The following JCAD variants were observed in gnomAD, a reference collection of about 807,000 sequenced individuals.
The protein encoded by JCAD is junctional cadherin 5-associated protein.
A neutral mutation model predicts 98.0 loss-of-function variants in JCAD; 40 were observed. The ratio of observed to expected loss-of-function variants is 0.41; its 90% confidence interval spans 0.32 to 0.53. The LOEUF (loss-of-function observed/expected upper bound fraction) is 0.53, where lower values mean the gene tolerates loss of function less well. JCAD is among the 20% of genes least tolerant of loss of function. JCAD has a pLI of 0.31. For missense variants in JCAD, 1,705 were observed against 1,738.1 expected (o/e 0.98, Z 0.34); for synonymous variants, 691 against 682.3 (o/e 1.01, Z -0.20).
intron 1 of JCAD, among the ~76,000 whole-genome samples, chr10:30,096,970 C>A (rs536273343): frequency 7.6e-4 from 116 of 152,298 alleles, no homozygotes; most frequent in Non-Finnish European, 6.9e-4. Flanking sequence ...TTTTTGTAAG[C>A]TTAGCAGAAT....
chr10:30,088,444 A>G (rs545085633), intron 1 of JCAD, among the ~76,000 whole-genome samples: 21 of 152,270 alleles, frequency 1.4e-4, no homozygotes, highest in Middle Eastern at 6.8e-3. Flanking sequence ...TTGTTTACTT[A>G]GAGCAAGCAG....
At chr10:30,044,750 C>T (rs1589691259) in intron 2 of JCAD, 1 of 946,196 alleles carries the variant, frequency 1.1e-6, no homozygotes, top group Non-Finnish European at 1.2e-6. Context: ...CACTTTGTTT[C>T]TGATGGGGAA....
intron 2 of JCAD, among the ~76,000 whole-genome samples, chr10:30,032,809 A>G (rs1042383478): frequency 1.3e-5 from 2 of 152,200 alleles, no homozygotes; most frequent in Non-Finnish European, 2.9e-5. Flanking sequence ...TAGCACAAAC[A>G]GCAGCAGCTG....
chr10:30,068,008 T>C (rs1002152747), intron 2 of JCAD, among the ~76,000 whole-genome samples: 7 of 152,220 alleles, frequency 4.6e-5, no homozygotes, highest in African/African-American at 1.7e-4. Context: ...TACAGTATTA[T>C]AATCTTATGA....
chr10:30,047,780 A>C lies in JCAD; in HGVS notation c.33T>G (p.His11Gln). ...GGGGGTCTCTTGACAGCTTGTATCC[A>C]TGAGAGATCAGGAGGTCTTCTACAC... MYSVEDLLISHGYKLSRDPPA... is the reference protein window; with the variant it reads MYSVEDLLISQGYKLSRDPPA... Residue 11 changes from histidine to glutamine, a missense_variant, in exon 2 of 4, where the codon CAT becomes CAG. His to Gln is a conservative substitution (Grantham distance 24). Coordinates refer to ENST00000375377, the MANE Select transcript of JCAD (RefSeq NM_020848.4). 1 of 1,613,926 alleles carries C rather than the reference A, an allele frequency of 6.2e-7. No homozygotes were observed. The highest frequency in any genetic ancestry group is 1.3e-5 in the African/African-American group (1 of 75,038).
chr10:30,092,125 T>TATA (rs1427852641), intron 1 of JCAD, among the ~76,000 whole-genome samples: 4 of 104,924 alleles, frequency 3.8e-5, no homozygotes, highest in East Asian at 5.8e-4. Context: ...TATATATATA[T>TATA]AAAAAACATT....
chr10:30,025,456 T>C (rs988598995), intron 3 of JCAD, among the ~76,000 whole-genome samples: 5 of 147,962 alleles, frequency 3.4e-5, no homozygotes, highest in South Asian at 2.2e-4. Context: ...AGGCGGAGGT[T>C]GCAGTGAGCC....
intron 3 of JCAD, among the ~76,000 whole-genome samples, chr10:30,025,732 T>C (rs1836776266): frequency 6.6e-6 from 1 of 151,374 alleles, no homozygotes; most frequent in Non-Finnish European, 1.5e-5. Context: ...TATAAAAAAA[T>C]TAAAAAATTA....
At chr10:30,086,995 G>A (rs1393270789) in intron 1 of JCAD, among the ~76,000 whole-genome samples, 2 of 152,182 alleles carry the variant, frequency 1.3e-5, no homozygotes, top group Non-Finnish European at 2.9e-5. Flanking sequence ...CAGAGACTTG[G>A]GGTGAGGGGA....
intron 2 of JCAD, among the ~76,000 whole-genome samples, chr10:30,045,002 A>T (rs1456041891): frequency 2.0e-5 from 3 of 152,112 alleles, no homozygotes; most frequent in African/African-American, 7.2e-5. Flanking sequence ...CAATCTCAAC[A>T]ACATGGACAA....
intron 1 of JCAD, among the ~76,000 whole-genome samples, chr10:30,089,262 TTC>T (rs1838218463): frequency 6.6e-6 from 1 of 152,184 alleles, no homozygotes; most frequent in Non-Finnish European, 1.5e-5. Context: ...GAGGGTGGGC[TTC>T]TGGCTCCAGT....
chr10:30,030,770 C>T (rs780377140), intron 2 of JCAD, among the ~76,000 whole-genome samples: 1 of 151,968 alleles, frequency 6.6e-6, no homozygotes, highest in African/African-American at 2.4e-5. Context: ...CAGGGCCTTA[C>T]TTTGAGAATC....
In JCAD at chr10:30,016,954, A is replaced by C. The variant is rs1836547705; in HGVS notation, c.*929T>G. 1 of 152,240 alleles carries C rather than the reference A, an allele frequency of 6.6e-6. No individual in the cohort carries two copies. The highest frequency in any genetic ancestry group is 1.5e-5 in the Non-Finnish European group (1 of 68,040). 9.4% of individuals were successfully genotyped at this position (152,240 alleles called of 1,614,324 possible). On this transcript the variant is annotated 3_prime_UTR_variant, in exon 4 of 4. Coordinates refer to ENST00000375377, the MANE Select transcript of JCAD (RefSeq NM_020848.4). The stretch of plus-strand genomic sequence containing the variant: ...GGTAAGGGACAGAGCTTTAAAGCAA[A>C]AGTGAACCCTCTTTGGGTTCCTCTC...
chr10:30,030,248 A>T (rs1459405707), intron 2 of JCAD, among the ~76,000 whole-genome samples: 1 of 152,216 alleles, frequency 6.6e-6, no homozygotes, highest in Non-Finnish European at 1.5e-5. Context: ...GTTTGAGACC[A>T]GCCTGTGCAA....
In JCAD at chr10:30,017,267, A is replaced by G. The variant is rs1836553520; in HGVS notation, c.*616T>C. 1.9e-5 allele frequency: 3 copies of G among 153,854 alleles called. No homozygotes were observed. Among genetic ancestry groups the G allele is most frequent in the Admixed American group, 1.3e-4 (2 of 15,300 alleles). 9.5% of individuals were successfully genotyped at this position (153,854 alleles called of 1,614,324 possible). A position where few individuals can be genotyped will look rare whatever the true frequency, so the allele number is the denominator to read the frequency against. On this transcript the variant is annotated 3_prime_UTR_variant, in exon 4 of 4. Coordinates refer to ENST00000375377, the MANE Select transcript of JCAD (RefSeq NM_020848.4). ...TAATACTCTTAGTATATTACAGTACAAGTTTTAATTTTTCAGGAACTTAAA... is the reference window on the plus strand; with the variant it reads ...TAATACTCTTAGTATATTACAGTACGAGTTTTAATTTTTCAGGAACTTAAA...
At chr10:30,112,649 A>G (rs1460089642) in intron 1 of JCAD, among the ~76,000 whole-genome samples, 1 of 152,066 alleles carries the variant, frequency 6.6e-6, no homozygotes, top group East Asian at 1.9e-4. Context: ...ACATGGGTGG[A>G]TCACCTGAAG....
chr10:30,033,767 C>G (rs775378487), intron 2 of JCAD, among the ~76,000 whole-genome samples: 1 of 152,206 alleles, frequency 6.6e-6, no homozygotes, highest in Admixed American at 6.5e-5. Flanking sequence ...GTGCGTGAAG[C>G]CTGGAAGAGT....
Position 30,027,679 on chromosome 10 carries a change from C to T in JCAD, c.2469G>A (p.Pro823=), listed in dbSNP as rs754770026. 4 of 1,614,134 alleles carry T rather than the reference C, an allele frequency of 2.5e-6. No homozygotes were observed. Among genetic ancestry groups the T allele is most frequent in the African/African-American group, 2.7e-5 (2 of 74,946 alleles). The change falls in exon 3 of 4, where the codon CCG becomes CCA. Residue 823 remains proline, a synonymous_variant. Coordinates refer to ENST00000375377, the MANE Select transcript of JCAD (RefSeq NM_020848.4). ...TCAAATCCCAGGGACGACGGCTGAC[C>T]GGTTTCAGGAGAAACTGCCCAAAGA... is the stretch of plus-strand genomic sequence containing the variant. The part of the protein sequence containing the change: ...KQLFGQFLLK[P]VSRRPWDLIS...
intron 1 of JCAD, among the ~76,000 whole-genome samples, chr10:30,105,587 G>A (rs543049954): frequency 2.6e-5 from 4 of 152,236 alleles, no homozygotes; most frequent in African/African-American, 7.2e-5. Flanking sequence ...GCCTCCCAAA[G>A]TGCTGGAATT....
Sources: gnomAD v4.1 joint callset for allele counts (sites outside exome capture counted in the v4.1 genomes callset) on GRCh38, gnomAD v4.1.1 for gene constraint, MANE v1.5 for transcripts, NCBI Gene and HGNC (gene_info 2026-07-23, HGNC 2026-07-21) for gene names.